PPARGC1A: variants seen among roughly 807,000 people sequenced by gnomAD.
PPARGC1A encodes the protein peroxisome proliferator-activated receptor gamma coactivator 1-alpha.
PPARGC1A carries 25 observed loss-of-function variants against 88.7 expected under a neutral mutation model. The ratio of observed to expected loss-of-function variants is 0.28; its 90% CI spans 0.21 to 0.39. The LOEUF is 0.39. Ranked by LOEUF, PPARGC1A falls within the 10% of genes least tolerant of loss-of-function variation. The pLI, the probability that PPARGC1A is intolerant of heterozygous loss-of-function variation, is 1.00. For synonymous variants in PPARGC1A, 363 were observed against 355.6 expected, an observed-to-expected ratio of 1.02 and a Z score of -0.24; for missense variants, 880 against 968.7, an observed-to-expected ratio of 0.91 and a Z score of 1.22.
the PPARGC1A span, among the ~76,000 whole-genome samples, chr4:24,371,986 TA>T: frequency 6.6e-6 from 1 of 151,712 alleles, no homozygotes; most frequent in Non-Finnish European, 1.5e-5. Flanking sequence ...TAGAATGAAA[TA>T]AGGTTGCCTC....
At chr4:24,416,938 G>A in the PPARGC1A span, among the ~76,000 whole-genome samples, 1 of 152,026 alleles carries the variant, frequency 6.6e-6, no homozygotes, top group Non-Finnish European at 1.5e-5. Context: ...GGCTGAGGCA[G>A]GAGAATCGCT....
At chr4:24,387,766 G>GAGAGAGAGAGAA in the PPARGC1A span, among the ~76,000 whole-genome samples, 2 of 52,050 alleles carry the variant, frequency 3.8e-5, no homozygotes, top group Admixed American at 2.9e-4. Flanking sequence ...GAGAGAGAGA[G>GAGAGAGAGAGAA]AGAAAGAAAG....
At chr4:24,434,050 C>A in the PPARGC1A span, among the ~76,000 whole-genome samples, 1 of 152,178 alleles carries the variant, frequency 6.6e-6, no homozygotes, top group Non-Finnish European at 1.5e-5. Context: ...CTCCACGTTG[C>A]CCTGAATTCT....
chr4:24,272,090 C>T, the PPARGC1A span, among the ~76,000 whole-genome samples: 1 of 152,062 alleles, frequency 6.6e-6, no homozygotes, highest in African/African-American at 2.4e-5. Context: ...CTGTTTACTC[C>T]TTCCATGTTT....
chr4:24,327,192 A>G, the PPARGC1A span, among the ~76,000 whole-genome samples: 2 of 152,242 alleles, frequency 1.3e-5, no homozygotes, highest in African/African-American at 2.4e-5. Context: ...GAGCTCCTGT[A>G]TAGACGCTCC....
chr4:24,158,912 C>T, the PPARGC1A span, among the ~76,000 whole-genome samples: 2 of 152,128 alleles, frequency 1.3e-5, no homozygotes, highest in Non-Finnish European at 2.9e-5. Flanking sequence ...CTAAAATATA[C>T]CTTTTCCTAC....
the PPARGC1A span, among the ~76,000 whole-genome samples, chr4:24,393,045 A>T: frequency 9.8e-6 from 1 of 102,174 alleles, no homozygotes. Flanking sequence ...ACACACACAC[A>T]CACCCCTTTT....
chr4:24,067,118 T>C, the PPARGC1A span, among the ~76,000 whole-genome samples: 1 of 152,148 alleles, frequency 6.6e-6, no homozygotes, highest in African/African-American at 2.4e-5. Flanking sequence ...AAATTACTTA[T>C]ACATCAGATT....
the PPARGC1A span, among the ~76,000 whole-genome samples, chr4:24,333,970 C>G: frequency 7.0e-5 from 8 of 114,986 alleles, no homozygotes; most frequent in African/African-American, 2.6e-4. Flanking sequence ...AAAAAAGGCA[C>G]TAAGAGAAAA....
At chr4:24,009,748 C>CTT in the PPARGC1A span, among the ~76,000 whole-genome samples, 1 of 152,206 alleles carries the variant, frequency 6.6e-6, no homozygotes, top group Non-Finnish European at 1.5e-5. Flanking sequence ...TCAGTGGCAA[C>CTT]TTCCCACAAA....
At chr4:23,994,995 T>G in the PPARGC1A span, among the ~76,000 whole-genome samples, 4 of 152,196 alleles carry the variant, frequency 2.6e-5, no homozygotes, top group Admixed American at 1.3e-4. Flanking sequence ...TGTTTGAAAT[T>G]GATGGTGTCC....
At chr4:23,832,609 TTTC>T (rs1325026010) in intron 2 of PPARGC1A, among the ~76,000 whole-genome samples, 4 of 141,690 alleles carry the variant, frequency 2.8e-5, no homozygotes, top group African/African-American at 1.2e-4. Context: ...TCTTTTTCTT[TTTC>T]TTTTTTTTTT....
chr4:24,270,494 A>G, the PPARGC1A span, among the ~76,000 whole-genome samples: 9 of 152,316 alleles, frequency 5.9e-5, no homozygotes, highest in Admixed American at 1.3e-4. Flanking sequence ...CTGTGGCAAT[A>G]GTCTATCATA....
At chr4:24,215,524 G>A in the PPARGC1A span, among the ~76,000 whole-genome samples, 1 of 152,148 alleles carries the variant, frequency 6.6e-6, no homozygotes, top group Admixed American at 6.6e-5. Context: ...CTGTGCTTGA[G>A]TTTACTTTTT....
At chr4:24,282,146 G>A in the PPARGC1A span, among the ~76,000 whole-genome samples, 1 of 152,148 alleles carries the variant, frequency 6.6e-6, no homozygotes, top group Non-Finnish European at 1.5e-5. Context: ...CTACCAATTA[G>A]GAAACTGACA....
At chr4:24,200,244 T>C in the PPARGC1A span, among the ~76,000 whole-genome samples, 162 of 152,210 alleles carry the variant, frequency 1.1e-3, no homozygotes, top group East Asian at 0.029. Flanking sequence ...AGTAAGAGTA[T>C]AGGTCAGATA....
chr4:24,231,939 G>A, the PPARGC1A span, among the ~76,000 whole-genome samples: 4 of 152,224 alleles, frequency 2.6e-5, no homozygotes, highest in South Asian at 6.2e-4. Flanking sequence ...TTTGGTCATT[G>A]TTTTTTCCCA....
At chr4:24,439,160 C>T in the PPARGC1A span, among the ~76,000 whole-genome samples, 3 of 152,134 alleles carry the variant, frequency 2.0e-5, no homozygotes, top group South Asian at 2.1e-4. Context: ...CCCTGCATTT[C>T]CACACCCATC....
At chr4:24,011,895 A>C in the PPARGC1A span, among the ~76,000 whole-genome samples, 1 of 152,246 alleles carries the variant, frequency 6.6e-6, no homozygotes, top group Non-Finnish European at 1.5e-5. Flanking sequence ...AACTTATCAT[A>C]TGAACAGCAG....
Sources: gnomAD v4.1 joint callset for allele counts (sites outside exome capture counted in the v4.1 genomes callset) on GRCh38, gnomAD v4.1.1 for gene constraint, MANE v1.5 for transcripts, NCBI Gene and HGNC (gene_info 2026-07-23, HGNC 2026-07-21) for gene names.